The following CNTN5 variants were observed in gnomAD, a reference collection of about 807,000 sequenced individuals.
CNTN5 encodes the protein contactin 5.
A neutral mutation model predicts 129.1 loss-of-function variants in CNTN5; 77 were observed. That is an observed-to-expected ratio of 0.60 (90% confidence interval 0.50 to 0.72). The LOEUF is 0.72. Ranked by LOEUF, CNTN5 falls within the 30% of genes least tolerant of loss-of-function variation. The pLI, the probability that CNTN5 is intolerant of heterozygous loss-of-function variation, is 0.00. For synonymous variants in CNTN5, 509 were observed against 465.6 expected (o/e 1.09, Z -1.20); for missense variants, 1,478 against 1,328.8 (o/e 1.11, Z -1.75).
chr11:99,034,294 A>T (rs1475183661), intron 1 of CNTN5, among the ~76,000 whole-genome samples: 2 of 152,104 alleles, frequency 1.3e-5, no homozygotes, highest in East Asian at 1.9e-4. Flanking sequence ...ACAATGAGTT[A>T]GGGAGGATTC....
intron 2 of CNTN5, among the ~76,000 whole-genome samples, chr11:99,387,152 A>T (rs1031538874): frequency 1.3e-5 from 2 of 152,174 alleles, no homozygotes; most frequent in Non-Finnish European, 2.9e-5. Context: ...ATAGAGGTTG[A>T]TTTTATATAC....
At chr11:100,077,104 T>C (rs1173572304) in intron 13 of CNTN5, among the ~76,000 whole-genome samples, 2 of 152,196 alleles carry the variant, frequency 1.3e-5, no homozygotes, top group African/African-American at 2.4e-5. Flanking sequence ...TGACAACTTA[T>C]TTTCTTGAGG....
intron 3 of CNTN5, among the ~76,000 whole-genome samples, chr11:99,629,766 A>G (rs1199254456): frequency 6.6e-6 from 1 of 151,944 alleles, no homozygotes; most frequent in Non-Finnish European, 1.5e-5. Flanking sequence ...GAGATACTCA[A>G]TTCATTTCTT....
intron 2 of CNTN5, among the ~76,000 whole-genome samples, chr11:99,399,431 G>T (rs1271966575): frequency 1.3e-5 from 2 of 151,448 alleles, no homozygotes; most frequent in African/African-American, 2.4e-5. Context: ...CACATAAAAG[G>T]AACATTGAGC....
At chr11:100,218,489 G>A (rs1206994922) in intron 15 of CNTN5, among the ~76,000 whole-genome samples, 1 of 152,188 alleles carries the variant, frequency 6.6e-6, no homozygotes, top group Non-Finnish European at 1.5e-5. Context: ...GATTGGAGTG[G>A]TGAGCAGGAC....
In CNTN5 at chr11:100,358,574, T is replaced by A. The variant is rs541440706; in HGVS notation, c.*2354T>A. 1.3e-5 allele frequency: 2 copies of A among 151,212 alleles called. No individual in the cohort carries two copies. Among genetic ancestry groups the A allele is most frequent in the South Asian group, 4.1e-4 (2 of 4,820 alleles). 9.4% of individuals were successfully genotyped at this position (151,212 alleles called of 1,614,324 possible). A position where few individuals can be genotyped will look rare whatever the true frequency, so the allele number is the denominator to read the frequency against. The stretch of plus-strand genomic sequence containing the variant: ...ATTATTTTTCAGCTACAGTACTGAG[T>A]TTTTTCTGCTATGGGATAGTAACCA... On this transcript the variant is annotated 3_prime_UTR_variant, in exon 25 of 25. Transcript: ENST00000524871.
chr11:99,959,754 A>G (rs185326265), intron 8 of CNTN5, among the ~76,000 whole-genome samples: 29 of 152,254 alleles, frequency 1.9e-4, no homozygotes, highest in African/African-American at 6.7e-4. Context: ...CAAAACTGTT[A>G]TTTTAAGGTT....
At chr11:99,194,448 A>G (rs1224008539) in intron 1 of CNTN5, among the ~76,000 whole-genome samples, 2 of 152,172 alleles carry the variant, frequency 1.3e-5, no homozygotes, top group Non-Finnish European at 2.9e-5. Flanking sequence ...ATGAAATATT[A>G]TCCCAAAAAG....
At chr11:99,406,447 A>G (rs1177290095) in intron 2 of CNTN5, among the ~76,000 whole-genome samples, 1 of 151,952 alleles carries the variant, frequency 6.6e-6, no homozygotes, top group Non-Finnish European at 1.5e-5. Context: ...CTAGGGGTTG[A>G]GTGACACAAG....
intron 1 of CNTN5, among the ~76,000 whole-genome samples, chr11:99,051,597 T>C (rs932030260): frequency 1.3e-5 from 2 of 151,958 alleles, no homozygotes; most frequent in African/African-American, 2.4e-5. Flanking sequence ...ACCCACTGCG[T>C]TGAGAGCATT....
At chr11:99,376,555 A>AG (rs1940193256) in intron 2 of CNTN5, among the ~76,000 whole-genome samples, 1 of 152,176 alleles carries the variant, frequency 6.6e-6, no homozygotes, top group African/African-American at 2.4e-5. Context: ...GATGTCTAAC[A>AG]ATGACAAAGT....
At chr11:99,174,219 A>C (rs1347374876) in intron 1 of CNTN5, among the ~76,000 whole-genome samples, 1 of 152,044 alleles carries the variant, frequency 6.6e-6, no homozygotes, top group Non-Finnish European at 1.5e-5. Context: ...GGCTGGTCCC[A>C]AACTTCTGAC....
intron 3 of CNTN5, among the ~76,000 whole-genome samples, chr11:99,656,106 G>C (rs915564677): frequency 2.0e-5 from 3 of 151,960 alleles, no homozygotes; most frequent in Admixed American, 6.6e-5. Context: ...CCTCTGAAGA[G>C]CTAAATGGAG....
chr11:99,895,477 C>G (rs1949181240), intron 6 of CNTN5, among the ~76,000 whole-genome samples: 1 of 152,166 alleles, frequency 6.6e-6, no homozygotes. Context: ...AACAAAATAA[C>G]AAGTGAATAC....
chr11:99,038,343 A>T (rs1863843944), intron 1 of CNTN5, among the ~76,000 whole-genome samples: 1 of 152,178 alleles, frequency 6.6e-6, no homozygotes, highest in Non-Finnish European at 1.5e-5. Flanking sequence ...TTTTGATAAC[A>T]TCATTGATGT....
chr11:99,748,328 C>T (rs574882141), intron 3 of CNTN5, among the ~76,000 whole-genome samples: 1 of 152,084 alleles, frequency 6.6e-6, no homozygotes, highest in South Asian at 2.1e-4. Flanking sequence ...AACTCGAAGC[C>T]ATCAAATCCT....
intron 9 of CNTN5, among the ~76,000 whole-genome samples, chr11:100,019,311 A>AG (rs1565793159): frequency 6.6e-6 from 1 of 151,894 alleles, no homozygotes; most frequent in African/African-American, 2.4e-5. Flanking sequence ...TTTTGAATTA[A>AG]TTTTTGTATG....
chr11:100,033,357 G>A (rs567082445), intron 9 of CNTN5, among the ~76,000 whole-genome samples: 10 of 152,292 alleles, frequency 6.6e-5, no homozygotes, highest in African/African-American at 1.9e-4. Context: ...ACATCCATAT[G>A]TAGAATTACA....
chr11:99,103,155 C>G (rs774138198), intron 1 of CNTN5, among the ~76,000 whole-genome samples: 1 of 152,086 alleles, frequency 6.6e-6, no homozygotes, highest in Non-Finnish European at 1.5e-5. Flanking sequence ...GTTTATCTCC[C>G]ATTATCTCCC....
Sources: gnomAD v4.1 joint callset for allele counts (sites outside exome capture counted in the v4.1 genomes callset) on GRCh38, gnomAD v4.1.1 for gene constraint, MANE v1.5 for transcripts, NCBI Gene and HGNC (gene_info 2026-07-23, HGNC 2026-07-21) for gene names.